CLCA2: variants seen among roughly 807,000 people sequenced by gnomAD.
CLCA2 encodes chloride channel accessory 2.
CLCA2 carries 85 observed loss-of-function variants against 82.9 expected under a neutral mutation model. The ratio of observed to expected loss-of-function variants is 1.03; its 90% confidence interval spans 0.86 to 1.23. CLCA2 has a LOEUF of 1.23. Among genes scored for constraint, CLCA2 ranks in the 50% most tolerant of loss-of-function variants. The probability of loss-of-function intolerance (pLI) is 0.00; values close to 1 mark genes in which losing one functional copy is unlikely to be tolerated. For missense variants in CLCA2, 1,089 were observed against 1,124.8 expected, an observed-to-expected ratio of 0.97 and a Z score of 0.45; for synonymous variants, 421 against 391.7, an observed-to-expected ratio of 1.07 and a Z score of -0.88.
chr1:86,444,080 G>A, intron 10 of CLCA2, 69 bp downstream of exon 10: 1 of 982,570 alleles, frequency 1.0e-6, no homozygotes, highest in South Asian at 1.5e-5. Flanking sequence ...TGAATCACAT[G>A]ATTAAATGCA....
Position 86,456,224 on chromosome 1 carries a change from T to A in CLCA2, c.*697T>A, listed in dbSNP as rs1428418156. The A allele has an allele frequency of 6.6e-6, 1 of 152,252 alleles. No individual in the cohort carries two copies. Among genetic ancestry groups the A allele is most frequent in the Non-Finnish European group, 1.5e-5 (1 of 68,042 alleles). 9.4% of individuals were successfully genotyped at this position (152,252 alleles called of 1,614,324 possible). A position where few individuals can be genotyped will look rare whatever the true frequency, so the allele number is the denominator to read the frequency against. Reference sequence around the variant, plus strand: ...TTATTGCCTTGGTTATTATGGATGATAGTTATAGCCCTTATAATGCCTTAA... The same window carrying A: ...TTATTGCCTTGGTTATTATGGATGAAAGTTATAGCCCTTATAATGCCTTAA... On this transcript the variant is annotated 3_prime_UTR_variant, in exon 14 of 14. Transcript: ENST00000370565.
rs1031963114 is a variant in CLCA2, at chr1:86,455,424, T to C, written c.2729T>C (p.Met910Thr). ...YLILKGVLTA[M>T]GLIGIICLII... ...ATATTGAAAGGAGTTTTAACAGCAA[T>C]GGGTTTGATAGGAATCATTTGCCTT... Residue 910 changes from methionine (M) to threonine (T), a missense_variant, in exon 14 of 14, where the codon ATG (methionine) becomes ACG (threonine). Transcript: ENST00000370565. The C allele has an allele frequency of 6.2e-7, 1 of 1,605,790 alleles. No individual in the cohort carries two copies.
At chr1:86,440,445 C>A in intron 8 of CLCA2, 120 bp downstream of exon 8, 1 of 930,162 alleles carries the variant, frequency 1.1e-6, no homozygotes, top group Non-Finnish European at 1.6e-6. Context: ...TTTTAAAAAA[C>A]GCACACACAT....
chr1:86,443,822 T>C lies in CLCA2; in HGVS notation c.1524T>C (p.His508=). ...CAGGTGAAAATGTCAAACCTCACCA[T>C]CAATTGAAAAACACAGTGACTGTGG... is the stretch of plus-strand genomic sequence containing the variant. ...ESTGENVKPH[H]QLKNTVTVDN... Residue 508 remains histidine (H), a synonymous_variant, in exon 10 of 14, where the codon CAT becomes CAC. Coordinates refer to ENST00000370565, the MANE Select transcript of CLCA2 (RefSeq NM_006536.7). The C allele has an allele frequency of 1.2e-6, 2 of 1,614,012 alleles. No homozygotes were observed. Among genetic ancestry groups the C allele is most frequent in the Non-Finnish European group, 1.7e-6 (2 of 1,179,936 alleles).
At chr1:86,441,815 GAGGCA>G (rs1662742688) in intron 9 of CLCA2, among the ~76,000 whole-genome samples, 1 of 152,216 alleles carries the variant, frequency 6.6e-6, no homozygotes, top group Non-Finnish European at 1.5e-5. Flanking sequence ...GGGTGTGGCA[GAGGCA>G]AGGTGCAGAA....
At chr1:86,442,640 T>A (rs1662758298) in intron 9 of CLCA2, among the ~76,000 whole-genome samples, 1 of 152,216 alleles carries the variant, frequency 6.6e-6, no homozygotes, top group Admixed American at 6.5e-5. Flanking sequence ...TTTGCTGTTA[T>A]CCACCAATAT....
At chr1:86,437,259 G>A (rs979504569) in intron 6 of CLCA2, among the ~76,000 whole-genome samples, 2 of 152,164 alleles carry the variant, frequency 1.3e-5, no homozygotes, top group African/African-American at 4.8e-5. Context: ...ACTGGCCTGA[G>A]GGATATGGAG....
chr1:86,443,675 C>A, intron 9 of CLCA2, 112 bp from the exon 10 acceptor site: 1 of 794,026 alleles, frequency 1.3e-6, no homozygotes, highest in Admixed American at 3.1e-5. Flanking sequence ...CAGTACCTGT[C>A]AGAATTAAAT....
chr1:86,453,485 G>A lies in CLCA2; in HGVS notation c.2272G>A (p.Gly758Ser). The change falls in exon 13 of 14, where the codon GGC becomes AGC. Residue 758 changes from glycine (G) to serine (S), a missense_variant. By Grantham distance (56) the Gly-to-Ser change is moderately conservative. Coordinates refer to ENST00000370565, the MANE Select transcript of CLCA2 (RefSeq NM_006536.7). Reference protein sequence around the residue: ...GSFSVLGVPAGPHPDVFPPCK... With the variant: ...GSFSVLGVPASPHPDVFPPCK... ...CTTTTCAGTGCTGGGAGTTCCAGCT[G>A]GCCCCCACCCTGATGTGTTTCCACC... 6.2e-7 allele frequency: 1 copy of A among 1,614,124 alleles called. No individual in the cohort carries two copies. The highest frequency in any genetic ancestry group is 8.5e-7 in the Non-Finnish European group (1 of 1,180,008).
At position 86,446,802 on chromosome 1, in the gene CLCA2, C is replaced by T. The variant is rs77564311; in HGVS notation, c.1714-706C>T. 9.5e-3 allele frequency among the ~76,000 whole-genome samples: 1,441 copies of T among 152,226 alleles called. 18 individuals are homozygous for T. Among genetic ancestry groups the T allele is most frequent in the African/African-American group, 0.033 (1,369 of 41,546 alleles). Reference sequence around the variant, plus strand: ...TATATGTATAGCTTAATCAAAAGGACGAATTTCTGCTATATTGTAATTTTA... The same window carrying T: ...TATATGTATAGCTTAATCAAAAGGATGAATTTCTGCTATATTGTAATTTTA... On this transcript the variant is annotated intron_variant, in intron 10 of 13. Transcript: ENST00000370565.
chr1:86,425,359 AT>A lies in CLCA2; in HGVS notation c.211del (p.Tyr71ThrfsTer15). On this transcript the variant is annotated frameshift_variant, in exon 2 of 14. Coordinates refer to ENST00000370565, the MANE Select transcript of CLCA2 (RefSeq NM_006536.7). LOFTEE classifies it high-confidence loss of function. ...NIKEMITEAS[F>X]YLFNATKRRV... Reference sequence around the variant, plus strand: ...TGTAGGAAATGATAACTGAAGCTTCATTTTACCTATTTAATGCTACCAAGAG... The same window carrying A: ...TGTAGGAAATGATAACTGAAGCTTCATTTACCTATTTAATGCTACCAAGAG... 1 of 1,559,328 alleles carries A rather than the reference AT, an allele frequency of 6.4e-7. No individual in the cohort carries two copies. Among genetic ancestry groups the A allele is most frequent in the Non-Finnish European group, 8.7e-7 (1 of 1,155,146 alleles).
intron 6 of CLCA2, among the ~76,000 whole-genome samples, chr1:86,435,310 C>T (rs1475546463): frequency 6.6e-6 from 1 of 152,150 alleles, no homozygotes; most frequent in Admixed American, 6.6e-5. Context: ...AACAAAGATC[C>T]TTTTCCAAAA....
chr1:86,455,623 T>C lies in CLCA2; in HGVS notation c.*96T>C, dbSNP rs1663062826. 1 of 747,830 alleles carries C rather than the reference T, an allele frequency of 1.3e-6. No individual in the cohort carries two copies. The highest frequency in any genetic ancestry group is 1.8e-5 in the African/African-American group (1 of 55,700). 46.3% of individuals were successfully genotyped at this position (747,830 alleles called of 1,614,324 possible). A position where few individuals can be genotyped will look rare whatever the true frequency, so the allele number is the denominator to read the frequency against. On this transcript the variant is annotated 3_prime_UTR_variant, in exon 14 of 14. Transcript: ENST00000370565. Reference sequence around the variant, plus strand: ...AAGTCAAATTAACATCAAAACTGTATTAAAATGCATTGAGTTTTTGTACAA... The same window carrying C: ...AAGTCAAATTAACATCAAAACTGTACTAAAATGCATTGAGTTTTTGTACAA...
rs145061827 is a variant in CLCA2, at chr1:86,440,305, A to T, written c.1361A>T (p.Glu454Val). The T allele has an allele frequency of 1.2e-3, 1,931 of 1,613,932 alleles. 2 individuals carry two copies. Among genetic ancestry groups the T allele is most frequent in the South Asian group, 1.6e-3 (145 of 90,988 alleles). ...ALGSSAAPNLEELSRLTGGLK... is the reference protein window; with the variant it reads ...ALGSSAAPNLVELSRLTGGLK... ...GGTTCATCTGCAGCCCCAAATCTGG[A>T]GGAATTATCACGTCTTACAGGTAAT... The change falls in exon 8 of 14, where the codon GAG becomes GTG. Residue 454 changes from glutamate (E) to valine (V), a missense_variant. Coordinates refer to ENST00000370565, the MANE Select transcript of CLCA2 (RefSeq NM_006536.7).
In CLCA2 at chr1:86,446,711, G is replaced by C. The variant is rs1390862890; in HGVS notation, c.1714-797G>C. Among the ~76,000 whole-genome samples the C allele has an allele frequency of 4.6e-5, 7 of 152,238 alleles. No individual in the cohort carries two copies. In the Middle Eastern group the frequency reaches 0.017, roughly 370 times the overall value. On this transcript the variant is annotated intron_variant, in intron 10 of 13. Coordinates refer to ENST00000370565, the MANE Select transcript of CLCA2 (RefSeq NM_006536.7). Reference sequence around the variant, plus strand: ...GCTTTTCTGTTCTTCCTTCTGCTTTGTTGTGTTTCACTTGTTACTTCTGGG... The same window carrying C: ...GCTTTTCTGTTCTTCCTTCTGCTTTCTTGTGTTTCACTTGTTACTTCTGGG...
intron 9 of CLCA2, among the ~76,000 whole-genome samples, chr1:86,443,244 G>A (rs1452228668): frequency 6.6e-6 from 1 of 152,116 alleles, no homozygotes; most frequent in Non-Finnish European, 1.5e-5. Flanking sequence ...GGCCAGACTA[G>A]TCTCAAACTC....
chr1:86,431,491 C>T (rs969528269), intron 4 of CLCA2, among the ~76,000 whole-genome samples: 7 of 152,274 alleles, frequency 4.6e-5, no homozygotes, highest in Admixed American at 2.0e-4. Flanking sequence ...ATTTCTCATA[C>T]GTGCAGACAG....
intron 13 of CLCA2, among the ~76,000 whole-genome samples, chr1:86,454,406 A>G (rs1663030726): frequency 6.6e-6 from 1 of 152,152 alleles, no homozygotes; most frequent in Non-Finnish European, 1.5e-5. Flanking sequence ...GCTATTTTTT[A>G]GACTTTATAT....
At chr1:86,438,159 A>G in intron 6 of CLCA2, among the ~76,000 whole-genome samples, 1 of 152,172 alleles carries the variant, frequency 6.6e-6, no homozygotes, top group East Asian at 1.9e-4. Flanking sequence ...GATAGAGATC[A>G]GTGTCATCCC....
Sources: allele counts gnomAD v4.1 joint callset (sites outside exome capture counted in the v4.1 genomes callset), GRCh38; gene constraint gnomAD v4.1.1; transcripts MANE v1.5; gene names NCBI Gene and HGNC (gene_info 2026-07-23, HGNC 2026-07-21).